The following GPATCH2L variants were observed in gnomAD, a reference collection of about 807,000 sequenced individuals.
The protein encoded by GPATCH2L is G-patch domain containing 2 like.
In GPATCH2L, 31 loss-of-function variants were observed where a neutral mutation model predicts 57.4. The observed-to-expected ratio is 0.54, with a 90% CI of 0.41 to 0.73. The LOEUF is 0.73. Among genes scored for constraint, GPATCH2L ranks in the 30% least tolerant of loss-of-function variants. The probability of loss-of-function intolerance (pLI) is 0.00; values close to 1 mark genes in which losing one functional copy is unlikely to be tolerated. For missense variants in GPATCH2L, 481 were observed against 599.9 expected, an observed-to-expected ratio of 0.80 and a Z score of 2.07; for synonymous variants, 199 against 210.7, an observed-to-expected ratio of 0.94 and a Z score of 0.48.
chr14:76,225,823 AAG>A (rs1380312504), intron 1 of GPATCH2L, among the ~76,000 whole-genome samples: 2 of 152,216 alleles, frequency 1.3e-5, no homozygotes, highest in African/African-American at 4.8e-5. Context: ...AACATCACAA[AAG>A]AGAATATCTG....
chr14:76,181,689 T>C (rs1234669946), intron 8 of GPATCH2L, among the ~76,000 whole-genome samples: 1 of 152,186 alleles, frequency 6.6e-6, no homozygotes, highest in Non-Finnish European at 1.5e-5. Flanking sequence ...CTTACAAATA[T>C]AAATTCTTTT....
At position 76,229,063 on chromosome 14, in the gene GPATCH2L, G is replaced by A. The variant is rs145635925; in HGVS notation, c.66-745G>A. ...CTGACAGAGGCACTGACTCAGACAT[G>A]CTTTCCATCCACAGGGCTGCAGCCC... On this transcript the variant is annotated intron_variant and NMD_transcript_variant, in intron 1 of 3. Transcript: ENST00000556372. Among the ~76,000 whole-genome samples the A allele has an allele frequency of 8.5e-5, 13 of 152,300 alleles. No homozygotes were observed. The East Asian group carries it at 2.5e-3, about 29-fold the overall frequency.
chr14:76,194,869 A>G (rs1471567891), intron 8 of GPATCH2L, among the ~76,000 whole-genome samples: 1 of 152,194 alleles, frequency 6.6e-6, no homozygotes, highest in East Asian at 1.9e-4. Flanking sequence ...ATCAACAGCT[A>G]ATGAGGATCG....
intron 5 of GPATCH2L, chr14:76,174,665 G>T (rs1031164327): frequency 1.4e-5 from 2 of 147,442 alleles, no homozygotes; most frequent in Non-Finnish European, 1.5e-5. Flanking sequence ...ATGGAATCTC[G>T]CTCTGTGACC....
At position 76,206,430 on chromosome 14, in the gene GPATCH2L, A is replaced by G. The variant is rs1173846196; in HGVS notation, c.*4579A>G. On this transcript the variant is annotated 3_prime_UTR_variant, in exon 10 of 10. Transcript: ENST00000261530. The stretch of plus-strand genomic sequence containing the variant: ...TTTAACAAGTCCAGCAAAACAAACT[A>G]TGGCCAAAAGAAGAAATTTTTCTGT... 2 of 152,188 alleles carry G rather than the reference A, an allele frequency of 1.3e-5. No individual in the cohort carries two copies. The highest frequency in any genetic ancestry group is 2.9e-5 in the Non-Finnish European group (2 of 68,014). 9.4% of individuals were successfully genotyped at this position (152,188 alleles called of 1,614,324 possible).
chr14:76,169,000 C>T (rs1594930339), intron 3 of GPATCH2L, among the ~76,000 whole-genome samples: 1 of 152,328 alleles, frequency 6.6e-6, no homozygotes, highest in East Asian at 1.9e-4. Flanking sequence ...TTTCCCTTGC[C>T]ACTCCAAGTC....
At chr14:76,217,245 T>C (rs1451257115), downstream of GPATCH2L, among the ~76,000 whole-genome samples, 1 of 152,140 alleles carries the variant, frequency 6.6e-6, no homozygotes, top group East Asian at 1.9e-4. Context: ...AAGTGTTCAA[T>C]AACAAAAGAG....
intron 1 of GPATCH2L, among the ~76,000 whole-genome samples, chr14:76,226,558 G>T (rs1319770796): frequency 2.0e-5 from 3 of 152,236 alleles, no homozygotes; most frequent in Non-Finnish European, 2.9e-5. Context: ...AAATGTGTGT[G>T]TTGGAAACTT....
chr14:76,224,151 C>A (rs1411303857), intron 1 of GPATCH2L, among the ~76,000 whole-genome samples: 1 of 152,112 alleles, frequency 6.6e-6, no homozygotes, highest in Non-Finnish European at 1.5e-5. Context: ...GGCCATATTC[C>A]ACTTACATGA....
chr14:76,232,613 A>C (rs866801684), intron 2 of GPATCH2L, among the ~76,000 whole-genome samples: 1 of 152,226 alleles, frequency 6.6e-6, no homozygotes, highest in Non-Finnish European at 1.5e-5. Flanking sequence ...CGCAGAACTC[A>C]CTGATAGCTG....
At chr14:76,233,171 G>A (rs1447968694) in intron 2 of GPATCH2L, among the ~76,000 whole-genome samples, 2 of 152,192 alleles carry the variant, frequency 1.3e-5, no homozygotes, top group Non-Finnish European at 2.9e-5. Flanking sequence ...AAATTATTGG[G>A]AGTGGAATTA....
intron 5 of GPATCH2L, chr14:76,175,025 T>C (rs964325764): frequency 9.2e-5 from 14 of 152,378 alleles, no homozygotes; most frequent in African/African-American, 3.4e-4. Context: ...CGCTGCTTTT[T>C]CTGTTTTGGG....
rs549047220 is a variant in GPATCH2L at position 76,213,668 on chromosome 14, C to T, written c.*11817C>T. On this transcript the variant is annotated 3_prime_UTR_variant, in exon 10 of 10. Coordinates refer to ENST00000261530, the MANE Select transcript of GPATCH2L (RefSeq NM_017926.4). ...ACACAGAGCCCCCTCTTCACATTCT[C>T]AGGGGCTCTTGATCCAAAACCTTTT... The T allele has an allele frequency of 4.1e-4, 62 of 152,252 alleles. 1 individual carries two copies. The highest frequency in any genetic ancestry group is 1.4e-3 in the African/African-American group (59 of 41,546). 9.4% of individuals were successfully genotyped at this position (152,252 alleles called of 1,614,324 possible). A position where few individuals can be genotyped will look rare whatever the true frequency, so the allele number is the denominator to read the frequency against.
chr14:76,186,225 A>G (rs2039759804), intron 8 of GPATCH2L, among the ~76,000 whole-genome samples: 1 of 152,054 alleles, frequency 6.6e-6, no homozygotes, highest in Non-Finnish European at 1.5e-5. Flanking sequence ...GGTCTATAAG[A>G]GGAGGCATTT....
chr14:76,219,904 A>C (rs2040506997), intron 1 of GPATCH2L, among the ~76,000 whole-genome samples: 1 of 152,148 alleles, frequency 6.6e-6, no homozygotes, highest in African/African-American at 2.4e-5. Context: ...CATATGAGTC[A>C]ATGTGTCAGG....
rs543947817 is a variant in GPATCH2L, at chr14:76,212,422, A to C, written c.*10571A>C. 6 of 152,168 alleles carry C rather than the reference A, an allele frequency of 3.9e-5. No homozygotes were observed. The highest frequency in any genetic ancestry group is 3.4e-3 in the Middle Eastern group (1 of 294). 9.4% of individuals were successfully genotyped at this position (152,168 alleles called of 1,614,324 possible). A position where few individuals can be genotyped will look rare whatever the true frequency, so the allele number is the denominator to read the frequency against. On this transcript the variant is annotated 3_prime_UTR_variant, in exon 10 of 10. Coordinates refer to ENST00000261530, the MANE Select transcript of GPATCH2L (RefSeq NM_017926.4). ...ACCGGAAAAAAAAAAACCAAAAAAA[A>C]CCACGACATAATGCTAAAGGGTGTG...
chr14:76,177,882 C>T (rs1402421491), intron 6 of GPATCH2L, 106 bp from the exon 7 acceptor site: 2 of 1,555,438 alleles, frequency 1.3e-6, no homozygotes. Flanking sequence ...TATTCTCTCC[C>T]TCTCTTTAGT....
At chr14:76,197,368 A>G (rs1038465229) in intron 9 of GPATCH2L, among the ~76,000 whole-genome samples, 3 of 152,102 alleles carry the variant, frequency 2.0e-5, no homozygotes, top group Non-Finnish European at 4.4e-5. Flanking sequence ...ATTGTTTATA[A>G]GAGAGGAACC....
intron 1 of GPATCH2L, among the ~76,000 whole-genome samples, chr14:76,222,694 C>T (rs572938771): frequency 5.1e-4 from 77 of 151,954 alleles, no homozygotes; most frequent in Non-Finnish European, 8.2e-4. Flanking sequence ...CAGTGGCCCA[C>T]GCCTGTAATC....
Sources: gnomAD v4.1 joint callset for allele counts (sites outside exome capture counted in the v4.1 genomes callset) on GRCh38, gnomAD v4.1.1 for gene constraint, MANE v1.5 for transcripts, NCBI Gene and HGNC (gene_info 2026-07-23, HGNC 2026-07-21) for gene names.